The following SLC30A7 variants were observed in gnomAD, a reference collection of about 807,000 sequenced individuals.
The protein encoded by SLC30A7 is zinc transporter 7.
Under a neutral mutation model 46.0 loss-of-function variants are expected in SLC30A7, and 35 were observed. The observed-to-expected ratio is 0.76, with a 90% CI of 0.58 to 1.01. The LOEUF (loss-of-function observed/expected upper bound fraction) is 1.01, where lower values mean the gene tolerates loss of function less well. Ranked by LOEUF, SLC30A7 falls within the 50% of genes least tolerant of loss-of-function variation. The probability of loss-of-function intolerance (pLI) is 0.00; values close to 1 mark genes in which losing one functional copy is unlikely to be tolerated. For missense variants in SLC30A7, 464 were observed against 451.1 expected, an observed-to-expected ratio of 1.03 and a Z score of -0.26; for synonymous variants, 147 against 157.8, an observed-to-expected ratio of 0.93 and a Z score of 0.51.
the SLC30A7 span, among the ~76,000 whole-genome samples, chr1:100,991,357 C>A: frequency 6.6e-6 from 1 of 152,122 alleles, no homozygotes; most frequent in Non-Finnish European, 1.5e-5. Context: ...CAAAAGGGGG[C>A]AAATGGTTTA....
intron 8 of SLC30A7, chr1:100,942,088 A>G (rs1654381767): frequency 5.4e-6 from 1 of 185,252 alleles, no homozygotes; most frequent in Non-Finnish European, 1.1e-5. Context: ...GTTTAGCTCA[A>G]CGTATAAGGA....
intron 3 of SLC30A7, among the ~76,000 whole-genome samples, chr1:100,908,316 A>G (rs1651828443): frequency 6.6e-6 from 1 of 152,130 alleles, no homozygotes; most frequent in African/African-American, 2.4e-5. Context: ...GAGGGTCCAT[A>G]TGAGTCAAAT....
chr1:100,919,680 T>A (rs1393460762), intron 7 of SLC30A7, among the ~76,000 whole-genome samples: 1 of 152,168 alleles, frequency 6.6e-6, no homozygotes, highest in Non-Finnish European at 1.5e-5. Context: ...GAAGTTAGAT[T>A]TGCCTTTCTA....
chr1:100,904,061 A>G (rs1280711119), intron 2 of SLC30A7, among the ~76,000 whole-genome samples: 2 of 152,110 alleles, frequency 1.3e-5, no homozygotes, highest in Non-Finnish European at 2.9e-5. Context: ...CTCAATTATT[A>G]TAACAATTAT....
At chr1:100,963,353 A>G (rs959492469) in intron 9 of SLC30A7, among the ~76,000 whole-genome samples, 1 of 152,256 alleles carries the variant, frequency 6.6e-6, no homozygotes, top group African/African-American at 2.4e-5. Context: ...GGAAGTAATT[A>G]ACTGTGTTGA....
intron 5 of SLC30A7, among the ~76,000 whole-genome samples, chr1:100,913,418 T>TA (rs1652262458): frequency 6.6e-6 from 1 of 152,220 alleles, no homozygotes; most frequent in African/African-American, 2.4e-5. Context: ...TCTGTATACT[T>TA]CCAGTCAGTA....
At chr1:100,974,733 A>G in intron 10 of SLC30A7, 77 bp from the exon 11 acceptor site, 1 of 1,102,102 alleles carries the variant, frequency 9.1e-7, no homozygotes. Flanking sequence ...TGTAAAAGAA[A>G]AAAAATACTT....
chr1:100,969,273 C>G (rs1202934252), intron 10 of SLC30A7, among the ~76,000 whole-genome samples: 1 of 152,156 alleles, frequency 6.6e-6, no homozygotes, highest in Non-Finnish European at 1.5e-5. Context: ...TCAGGGACAA[C>G]AAGATAACCA....
intron 6 of SLC30A7, among the ~76,000 whole-genome samples, chr1:100,916,603 A>G (rs889945938): frequency 6.6e-6 from 1 of 152,180 alleles, no homozygotes; most frequent in Non-Finnish European, 1.5e-5. Flanking sequence ...TTGTATTACA[A>G]ACAATCCAGT....
the SLC30A7 span, chr1:100,990,767 G>C: frequency 1.3e-6 from 1 of 758,610 alleles, no homozygotes; most frequent in Non-Finnish European, 2.1e-6. Context: ...TTATGGACCA[G>C]TTATCCATTA....
chr1:100,963,140 G>A lies in SLC30A7; in HGVS notation c.933+1222G>A, dbSNP rs150627094. ...GAGTTTTGGGTACAGATTAGGACCA[G>A]AAAGAGTTATAAGTCATCAATATAT... On this transcript the variant is annotated intron_variant, in intron 9 of 10. Coordinates refer to ENST00000357650, the MANE Select transcript of SLC30A7 (RefSeq NM_133496.5). Among the ~76,000 whole-genome samples the A allele has an allele frequency of 1.6e-3, 245 of 152,312 alleles. 1 individual carries two copies. Among genetic ancestry groups the A allele is most frequent in the African/African-American group, 5.6e-3 (232 of 41,572 alleles).
At position 100,918,845 on chromosome 1, in the gene SLC30A7, C is replaced by T. The variant is rs117435106; in HGVS notation, c.706+718C>T. On this transcript the variant is annotated intron_variant, in intron 7 of 10. Transcript: ENST00000357650. ...GGGAGCTGCCGCCTGCTGTTGCTGCCCAGCATCATGAGAGATGATCATAGC... is the reference window on the plus strand; with the variant it reads ...GGGAGCTGCCGCCTGCTGTTGCTGCTCAGCATCATGAGAGATGATCATAGC... 9.2e-5 allele frequency among the ~76,000 whole-genome samples: 14 copies of T among 152,142 alleles called. 1 individual carries two copies. The East Asian group carries it at 2.5e-3, about 27-fold the overall frequency.
chr1:100,912,516 A>G (rs12738779), intron 5 of SLC30A7, among the ~76,000 whole-genome samples: 13,592 of 152,224 alleles, frequency 0.089, 746 homozygotes, highest in Middle Eastern at 0.22. Flanking sequence ...CACAAAACAA[A>G]TCTACTTATC....
Position 100,906,987 on chromosome 1 carries a change from T to A in SLC30A7, c.296+22T>A, listed in dbSNP as rs779423778. Reference sequence around the variant, plus strand: ...ATGGGTAAGACTTTAAGAAAAAAAATCTTTTTATTGAAGTATAAGATATAC... The same window carrying A: ...ATGGGTAAGACTTTAAGAAAAAAAAACTTTTTATTGAAGTATAAGATATAC... On this transcript the variant is annotated intron_variant, in intron 3 of 10. Transcript: ENST00000357650. 2.8e-5 allele frequency: 41 copies of A among 1,484,986 alleles called. No homozygotes were observed. In the South Asian group the frequency reaches 4.7e-4, roughly 17 times the overall value. 92.0% of individuals were successfully genotyped at this position (1,484,986 alleles called of 1,614,324 possible). A position where few individuals can be genotyped will look rare whatever the true frequency, so the allele number is the denominator to read the frequency against.
intron 8 of SLC30A7, among the ~76,000 whole-genome samples, chr1:100,944,498 T>A (rs913954193): frequency 3.9e-5 from 6 of 152,146 alleles, no homozygotes; most frequent in Non-Finnish European, 7.3e-5. Flanking sequence ...TTAGTTTTTT[T>A]ATTTATTTAT....
At chr1:100,995,086 T>C in the SLC30A7 span, 2 of 1,519,690 alleles carry the variant, frequency 1.3e-6, no homozygotes, top group African/African-American at 1.4e-5. Context: ...AACACATGTA[T>C]GCATTCTCAG....
chr1:100,912,012 C>A lies in SLC30A7; in HGVS notation c.385-100C>A, dbSNP rs1014948524. The A allele has an allele frequency of 1.0e-5, 11 of 1,085,058 alleles. No individual in the cohort carries two copies. The East Asian group carries it at 2.5e-4, about 25-fold the overall frequency. The allele number at this position is 1,085,058 out of a possible 1,614,324, so 67.2% of individuals were successfully genotyped here. ...GAGATTTTTTTTAGTGTTTTTAATT[C>A]CAAAAATAACTGAAAGTGTTTAATG... On this transcript the variant is annotated intron_variant, in intron 4 of 10. Coordinates refer to ENST00000357650, the MANE Select transcript of SLC30A7 (RefSeq NM_133496.5).
At chr1:100,910,956 C>G in intron 3 of SLC30A7, 107 bp from the exon 4 acceptor site, 1 of 852,270 alleles carries the variant, frequency 1.2e-6, no homozygotes, top group East Asian at 2.7e-5. Flanking sequence ...TCGCTGGCCA[C>G]TTATAACCAT....
At chr1:100,970,611 T>G (rs2101098360) in intron 10 of SLC30A7, among the ~76,000 whole-genome samples, 1 of 150,592 alleles carries the variant, frequency 6.6e-6, no homozygotes, top group East Asian at 1.9e-4. Flanking sequence ...TTGCACTAAT[T>G]TTTTTTTTAA....
Sources: allele counts gnomAD v4.1 joint callset (sites outside exome capture counted in the v4.1 genomes callset), GRCh38; gene constraint gnomAD v4.1.1; transcripts MANE v1.5; gene names NCBI Gene and HGNC (gene_info 2026-07-23, HGNC 2026-07-21).